The following ARHGEF4 variants were observed in gnomAD, a reference collection of about 807,000 sequenced individuals.
ARHGEF4 encodes the protein Rho guanine nucleotide exchange factor 4, also known as APC-stimulated guanine nucleotide exchange factor 1.
Under a neutral mutation model 162.0 loss-of-function variants are expected in ARHGEF4, and 119 were observed. The observed-to-expected ratio is 0.73, with a 90% CI of 0.63 to 0.86. The LOEUF is 0.86. Ranked by LOEUF, ARHGEF4 falls within the 40% of genes least tolerant of loss-of-function variation. The pLI is 0.00. For missense variants in ARHGEF4, 2,488 were observed against 2,456.0 expected, an observed-to-expected ratio of 1.01 and a Z score of -0.28; for synonymous variants, 1,014 against 979.9, an observed-to-expected ratio of 1.03 and a Z score of -0.65.
chr2:130,870,595 G>A (rs1416636691), intron 1 of ARHGEF4, among the ~76,000 whole-genome samples: 2 of 152,178 alleles, frequency 1.3e-5, no homozygotes, highest in African/African-American at 4.8e-5. Context: ...GTCAAAGAAT[G>A]AAACAACTGC....
At position 130,914,312 on chromosome 2, in the gene ARHGEF4, TC is replaced by T. The variant is rs756696327; in HGVS notation, c.368del (p.Pro123LeufsTer15). ...CTCAGGAGCAGCATTTGACCAGTGT[TC>T]CTGGGCTTCATGCAAAGGAAGAACT... ...PPQEQHLTSV[P>X]GLHAKEELDL... On this transcript the variant is annotated frameshift_variant, in exon 2 of 14. Transcript: ENST00000409359. LOFTEE classifies it high-confidence loss of function. The T allele has an allele frequency of 1.3e-6, 2 of 1,491,782 alleles. No homozygotes were observed. Among genetic ancestry groups the T allele is most frequent in the Non-Finnish European group, 1.8e-6 (2 of 1,124,254 alleles). The allele number at this position is 1,491,782 out of a possible 1,614,324, so 92.4% of individuals were successfully genotyped here. A position where few individuals can be genotyped will look rare whatever the true frequency, so the allele number is the denominator to read the frequency against.
At chr2:131,035,239 A>C (rs1690171748) in intron 5 of ARHGEF4, 2 of 1,223,078 alleles carry the variant, frequency 1.6e-6, no homozygotes, top group Non-Finnish European at 2.0e-6. Context: ...CGTCGTACTG[A>C]TCTTCCTGCT....
At chr2:130,936,110 G>A (rs1035824707) in intron 3 of ARHGEF4, among the ~76,000 whole-genome samples, 1 of 152,086 alleles carries the variant, frequency 6.6e-6, no homozygotes, top group African/African-American at 2.4e-5. Context: ...AAAGACTTAT[G>A]GTCTTTTCTG....
chr2:130,900,785 T>C (rs187202623), intron 1 of ARHGEF4, among the ~76,000 whole-genome samples: 70 of 152,304 alleles, frequency 4.6e-4, no homozygotes, highest in African/African-American at 1.5e-3. Context: ...GGATCTTATG[T>C]TAAAAGACTC....
At chr2:131,038,626 G>A (rs930182722) in intron 5 of ARHGEF4, among the ~76,000 whole-genome samples, 3 of 152,216 alleles carry the variant, frequency 2.0e-5, no homozygotes, top group African/African-American at 4.8e-5. Flanking sequence ...AGATTCTGTG[G>A]TCAGTTCACT....
chr2:130,893,846 A>T (rs775967275), intron 1 of ARHGEF4, among the ~76,000 whole-genome samples: 31 of 152,312 alleles, frequency 2.0e-4, no homozygotes, highest in Non-Finnish European at 4.0e-4. Flanking sequence ...TTAGCAGGCG[A>T]GAAGAGCCAC....
chr2:131,002,559 A>G (rs538025954), intron 4 of ARHGEF4, among the ~76,000 whole-genome samples: 2 of 152,110 alleles, frequency 1.3e-5, no homozygotes, highest in South Asian at 4.2e-4. Context: ...AAATACAAAA[A>G]ATTAGCTGGG....
At chr2:130,935,741 A>T (rs1025116653) in intron 3 of ARHGEF4, among the ~76,000 whole-genome samples, 2 of 152,142 alleles carry the variant, frequency 1.3e-5, no homozygotes, top group Non-Finnish European at 2.9e-5. Flanking sequence ...TTACATTGCA[A>T]TCAGAAAAGA....
At chr2:131,045,587 A>G (rs1172203530) in intron 13 of ARHGEF4, 141 bp downstream of exon 13, 1 of 1,591,880 alleles carries the variant, frequency 6.3e-7, no homozygotes, top group African/African-American at 1.3e-5. Context: ...GTTTGTTCCC[A>G]AAGGTTGGTA....
chr2:131,025,131 C>A (rs980661622), intron 4 of ARHGEF4, among the ~76,000 whole-genome samples: 1 of 152,176 alleles, frequency 6.6e-6, no homozygotes, highest in African/African-American at 2.4e-5. Flanking sequence ...CACAGTTCCA[C>A]AGGCTTCACA....
intron 1 of ARHGEF4, among the ~76,000 whole-genome samples, chr2:130,911,121 G>C (rs1036770192): frequency 6.6e-6 from 1 of 152,198 alleles, no homozygotes. Context: ...GGGCAGGGAA[G>C]CGGTGAGGTC....
At chr2:130,986,018 TGTG>T (rs1041555013) in intron 4 of ARHGEF4, among the ~76,000 whole-genome samples, 3 of 151,562 alleles carry the variant, frequency 2.0e-5, no homozygotes, top group African/African-American at 7.3e-5. Context: ...TGATGTGTGT[TGTG>T]CGTGCATGTT....
chr2:131,015,759 C>T (rs895924756), intron 4 of ARHGEF4, among the ~76,000 whole-genome samples: 1 of 152,196 alleles, frequency 6.6e-6, no homozygotes, highest in African/African-American at 2.4e-5. Flanking sequence ...GTGCAGAGAG[C>T]CCAGTGACCT....
chr2:130,963,973 C>T (rs1574310400), intron 4 of ARHGEF4: 2 of 169,508 alleles, frequency 1.2e-5, no homozygotes, highest in South Asian at 3.3e-4. Flanking sequence ...CCCCGGCAGC[C>T]CCGCGGCCGC....
intron 1 of ARHGEF4, among the ~76,000 whole-genome samples, chr2:130,837,224 C>T (rs941013176): frequency 1.3e-5 from 2 of 151,998 alleles, no homozygotes; most frequent in African/African-American, 2.4e-5. Context: ...CCGTTGGGGG[C>T]GGTAGGGACG....
At chr2:130,913,914 C>T in intron 1 of ARHGEF4, 72 bp from the exon 2 acceptor site, 7 of 1,501,636 alleles carry the variant, frequency 4.7e-6, no homozygotes, top group Non-Finnish European at 6.2e-6. Flanking sequence ...CTGGCAAAGG[C>T]AGGCACGGTG....
rs189806264 is a variant in ARHGEF4 at position 130,982,292 on chromosome 2, C to T, written c.3985+35657C>T. The stretch of plus-strand genomic sequence containing the variant: ...GGCATGAGCCACCATGCCCGGCCTG[C>T]GTTTTTTTATAATATTTATTTTATT... On this transcript the variant is annotated intron_variant, in intron 4 of 13. Coordinates refer to ENST00000409359, the MANE Select transcript of ARHGEF4 (RefSeq NM_001367493.1). Among the ~76,000 whole-genome samples, 255 of 152,188 alleles carry T rather than the reference C, an allele frequency of 1.7e-3. 1 individual carries two copies. Among genetic ancestry groups the T allele is most frequent in the Admixed American group, 2.7e-3 (42 of 15,286 alleles).
At position 131,007,525 on chromosome 2, in the gene ARHGEF4, T is replaced by C. The variant is rs1287807670; in HGVS notation, c.3986-20420T>C. Among the ~76,000 whole-genome samples the C allele has an allele frequency of 2.0e-5, 3 of 152,174 alleles. No homozygotes were observed. The East Asian group carries it at 5.8e-4, about 29-fold the overall frequency. ...ACGTGTTTGTTGCTTTTTCTGATTGTGAAGCTAATATATTCATCTTGGCAA... is the reference window on the plus strand; with the variant it reads ...ACGTGTTTGTTGCTTTTTCTGATTGCGAAGCTAATATATTCATCTTGGCAA... On this transcript the variant is annotated intron_variant, in intron 4 of 13. Transcript: ENST00000409359.
At chr2:131,032,052 A>C (rs1376593404) in intron 5 of ARHGEF4, among the ~76,000 whole-genome samples, 1 of 152,118 alleles carries the variant, frequency 6.6e-6, no homozygotes, top group African/African-American at 2.4e-5. Context: ...ACCTGTGAAC[A>C]GCAGCCTGTC....
Sources: gnomAD v4.1 joint callset for allele counts (sites outside exome capture counted in the v4.1 genomes callset) on GRCh38, gnomAD v4.1.1 for gene constraint, MANE v1.5 for transcripts, NCBI Gene and HGNC (gene_info 2026-07-23, HGNC 2026-07-21) for gene names.